The following EEPD1 variants were observed in gnomAD, a reference collection of about 807,000 sequenced individuals.
EEPD1 encodes endonuclease/exonuclease/phosphatase family domain containing 1, also known as endonuclease/exonuclease/phosphatase family domain-containing protein 1.
EEPD1 carries 17 observed loss-of-function variants against 46.3 expected under a neutral mutation model. The ratio of observed to expected loss-of-function variants is 0.37; its 90% CI spans 0.25 to 0.55. EEPD1 has a LOEUF of 0.55. EEPD1 is among the 20% of genes least tolerant of loss of function. The pLI is 0.83. For synonymous variants in EEPD1, 313 were observed against 315.6 expected, an observed-to-expected ratio of 0.99 and a Z score of 0.09; for missense variants, 673 against 745.6, an observed-to-expected ratio of 0.90 and a Z score of 1.13.
chr7:36,264,986 G>A (rs998468093), intron 3 of EEPD1, among the ~76,000 whole-genome samples: 4 of 152,036 alleles, frequency 2.6e-5, no homozygotes, highest in Middle Eastern at 6.8e-3. Flanking sequence ...TAAAGACTAG[G>A]ATTTGACATA....
intron 6 of EEPD1, among the ~76,000 whole-genome samples, chr7:36,296,207 T>C (rs1353580007): frequency 1.3e-5 from 2 of 152,092 alleles, no homozygotes; most frequent in Admixed American, 1.3e-4. Flanking sequence ...AGACCCAGGC[T>C]TTTCCCTTGG....
chr7:36,224,796 A>G (rs755517460), intron 2 of EEPD1, among the ~76,000 whole-genome samples: 4 of 152,208 alleles, frequency 2.6e-5, no homozygotes, highest in East Asian at 1.9e-4. Flanking sequence ...AGTTTTCCAT[A>G]TCCTAATCCT....
At chr7:36,202,903 C>T (rs1785738949) in intron 2 of EEPD1, among the ~76,000 whole-genome samples, 1 of 152,188 alleles carries the variant, frequency 6.6e-6, no homozygotes, top group South Asian at 2.1e-4. Flanking sequence ...CTGATCCCAG[C>T]TCCTGCCTGG....
chr7:36,181,878 A>T (rs963038111), intron 2 of EEPD1, among the ~76,000 whole-genome samples: 3 of 152,196 alleles, frequency 2.0e-5, no homozygotes, highest in African/African-American at 7.2e-5. Flanking sequence ...AGAGGGCAGC[A>T]TGACAGGACA....
At chr7:36,287,835 C>A in intron 6 of EEPD1, 58 bp downstream of exon 6, 1 of 1,584,752 alleles carries the variant, frequency 6.3e-7, no homozygotes. Context: ...GCAGGGCTGC[C>A]TCTTCTGAGC....
rs151178965 is a variant in EEPD1 at position 36,219,876 on chromosome 7, T to C, written c.879-19109T>C. 7.3e-5 allele frequency among the ~76,000 whole-genome samples: 11 copies of C among 149,856 alleles called. No homozygotes were observed. In the East Asian group the frequency reaches 1.2e-3, roughly 16 times the overall value. ...AGGCTTGGATACACATAAAGAGATA[T>C]ATAAAACATGAAAGATTACAGTATT... On this transcript the variant is annotated intron_variant, in intron 2 of 7. Transcript: ENST00000242108.
chr7:36,197,397 C>T (rs538929457), intron 2 of EEPD1, among the ~76,000 whole-genome samples: 1 of 152,332 alleles, frequency 6.6e-6, no homozygotes, highest in South Asian at 2.1e-4. Context: ...CCGGCCACCA[C>T]CCCGTCTGGG....
intron 2 of EEPD1, among the ~76,000 whole-genome samples, chr7:36,185,451 G>A (rs1277466944): frequency 6.6e-6 from 1 of 152,190 alleles, no homozygotes; most frequent in Non-Finnish European, 1.5e-5. Context: ...AAGCAGTGCT[G>A]CTTTTAACAT....
chr7:36,219,802 AGAGAGTGTGTGTGT>A (rs1411242769), intron 2 of EEPD1, among the ~76,000 whole-genome samples: 22 of 67,322 alleles, frequency 3.3e-4, no homozygotes, highest in African/African-American at 7.4e-4. Flanking sequence ...AGAGAGAGAG[AGAGAGTGTGTGTGT>A]GTGTGTGTGT....
rs577685105 is a variant in EEPD1, at chr7:36,197,963, C to T, written c.879-41022C>T. On this transcript the variant is annotated intron_variant, in intron 2 of 7. Transcript: ENST00000242108. ...ACTAGAATAGCATTCTTCCATGGAG[C>T]TGAGTAGTTGCTACACACTTTGAAC... Among the ~76,000 whole-genome samples the T allele has an allele frequency of 6.6e-5, 10 of 151,868 alleles. 1 individual carries two copies. The highest frequency in any genetic ancestry group is 5.2e-4 in the Admixed American group (8 of 15,266).
intron 2 of EEPD1, among the ~76,000 whole-genome samples, chr7:36,168,290 C>G (rs1785019628): frequency 6.6e-6 from 1 of 152,216 alleles, no homozygotes; most frequent in Admixed American, 6.5e-5. Context: ...CACACTACTT[C>G]AGTGAGGTGA....
intron 2 of EEPD1, among the ~76,000 whole-genome samples, chr7:36,238,635 C>T (rs1023026572): frequency 6.6e-6 from 1 of 152,122 alleles, no homozygotes; most frequent in African/African-American, 2.4e-5. Flanking sequence ...CTTATTCGTT[C>T]ATCTGTGGTA....
intron 3 of EEPD1, among the ~76,000 whole-genome samples, chr7:36,266,319 G>A (rs998317037): frequency 3.9e-5 from 6 of 152,138 alleles, no homozygotes; most frequent in Admixed American, 3.9e-4. Flanking sequence ...TTACTGGGCT[G>A]TGCATTCCTC....
At chr7:36,274,275 C>A (rs1165053897) in intron 3 of EEPD1, among the ~76,000 whole-genome samples, 1 of 152,096 alleles carries the variant, frequency 6.6e-6, no homozygotes. Flanking sequence ...TGTGTGAGCT[C>A]CTGCCTCAGC....
rs1424713369 is a variant in EEPD1, at chr7:36,301,530, T to G, written c.*2324T>G. ...AGTTTATATTAAAGTTCACTCTTTG[T>G]GTTGTGCATCCTATGGGTTTTGACA... On this transcript the variant is annotated 3_prime_UTR_variant, in exon 8 of 8. Coordinates refer to ENST00000242108, the MANE Select transcript of EEPD1 (RefSeq NM_030636.3). 6.6e-6 allele frequency: 1 copy of G among 152,246 alleles called. No individual in the cohort carries two copies. The highest frequency in any genetic ancestry group is 1.5e-5 in the Non-Finnish European group (1 of 68,040). 9.4% of individuals were successfully genotyped at this position (152,246 alleles called of 1,614,324 possible). A position where few individuals can be genotyped will look rare whatever the true frequency, so the allele number is the denominator to read the frequency against.
rs36087639 is a variant in EEPD1, at chr7:36,270,995, A to AT, written c.931-10111dup. ...TTCCTTTTTATTTATTATTATTATT[A>AT]TTTTTTTTTGAGTTGGAGTCTTGCT... On this transcript the variant is annotated intron_variant, in intron 3 of 7. Coordinates refer to ENST00000242108, the MANE Select transcript of EEPD1 (RefSeq NM_030636.3). Among the ~76,000 whole-genome samples, 14 of 150,478 alleles carry AT rather than the reference A, an allele frequency of 9.3e-5. No individual in the cohort carries two copies. In the South Asian group the frequency reaches 2.3e-3, roughly 25 times the overall value.
At position 36,154,498 on chromosome 7, in the gene EEPD1, T is replaced by C; in HGVS notation, c.174T>C (p.Arg58=). 2.9e-5 allele frequency: 47 copies of C among 1,614,218 alleles called. No homozygotes were observed. The highest frequency in any genetic ancestry group is 3.9e-5 in the Non-Finnish European group (46 of 1,180,036). The change falls in exon 2 of 8, where the codon CGT becomes CGC. Residue 58 remains arginine, a synonymous_variant. Coordinates refer to ENST00000242108, the MANE Select transcript of EEPD1 (RefSeq NM_030636.3). This position sits in a 1 kb window ranked among gnomAD's most constrained non-coding sequence, Gnocchi z 4.2. ...EELMTLPGVT[R]AVARSIVEYR... The stretch of plus-strand genomic sequence containing the variant: ...TGATGACCCTGCCTGGGGTGACGCG[T>C]GCCGTGGCACGCAGCATCGTGGAGT...
chr7:36,213,090 T>C (rs564066604), intron 2 of EEPD1, among the ~76,000 whole-genome samples: 1 of 150,910 alleles, frequency 6.6e-6, no homozygotes, highest in South Asian at 2.1e-4. Context: ...GAGGCGGAGG[T>C]TGCAGTGAGC....
intron 2 of EEPD1, among the ~76,000 whole-genome samples, chr7:36,167,517 G>A (rs1785006223): frequency 6.6e-6 from 1 of 152,080 alleles, no homozygotes; most frequent in Non-Finnish European, 1.5e-5. Context: ...AGATTTGCTA[G>A]TCTGAGTTTT....
Sources: gnomAD v4.1 joint callset for allele counts (sites outside exome capture counted in the v4.1 genomes callset) on GRCh38, gnomAD v4.1.1 for gene constraint, Gnocchi (gnomAD v3.1) non-coding constraint, MANE v1.5 for transcripts, NCBI Gene and HGNC (gene_info 2026-07-23, HGNC 2026-07-21) for gene names.